CENPI: variants seen among roughly 807,000 people sequenced by gnomAD.
CENPI encodes FSH primary response 1.
A neutral mutation model predicts 60.4 loss-of-function variants in CENPI; 4 were observed. That is an observed-to-expected ratio of 0.07 (90% CI 0.03 to 0.15). CENPI has a LOEUF of 0.15. Among genes scored for constraint, CENPI ranks in the 10% least tolerant of loss-of-function variants. The pLI is 1.00. For missense variants in CENPI, 444 were observed against 534.5 expected (o/e 0.83, Z 1.67); for synonymous variants, 157 against 189.4 (o/e 0.83, Z 1.40).
intron 15 of CENPI, 25 bp from the exon 16 acceptor site, chrX:101,140,641 T>C (rs2089907117): frequency 9.6e-7 from 1 of 1,046,240 alleles, no homozygotes; most frequent in African/African-American, 1.9e-5. Flanking sequence ...TTTCATGAAA[T>C]CTTTTTTCAT....
At chrX:101,140,853 A>G in intron 16 of CENPI, 93 bp downstream of exon 16, 1 of 583,057 alleles carries the variant, frequency 1.7e-6, no homozygotes, top group Non-Finnish European at 2.8e-6. Context: ...TTTTTCATGT[A>G]AATGCTTAGT....
chrX:101,178,398 C>CTTTTTTTTTTTTTTT, the CENPI span, among the ~76,000 whole-genome samples: 71 of 39,981 alleles, frequency 1.8e-3, 7 homozygotes, highest in Non-Finnish European at 2.0e-3. Context: ...TTTTCTTCTT[C>CTTTTTTTTTTTTTTT]TTTTTTTTTT....
chrX:101,164,460 T>C lies in CENPI; in HGVS notation c.*1493T>C, dbSNP rs917842706. Among the ~76,000 whole-genome samples, 2 of 111,420 alleles carry C rather than the reference T, an allele frequency of 1.8e-5. No homozygotes were observed. Among genetic ancestry groups the C allele is most frequent in the African/African-American group, 6.5e-5 (2 of 30,641 alleles). ...AATTCTCCTGCCTCAGCCTCACGAA[T>C]AGCTGGGATTACAGGCACCTACCAC... On this transcript the variant is annotated 3_prime_UTR_variant, in exon 22 of 22. Transcript: ENST00000682095.
intron 15 of CENPI, among the ~76,000 whole-genome samples, chrX:101,138,342 A>AT (rs1244802720): frequency 0.022 from 2,132 of 96,601 alleles, 50 homozygotes; most frequent in African/African-American, 0.075. Flanking sequence ...GGAATTAAAG[A>AT]TTTTTTTTTT....
At chrX:101,124,946 T>C (rs940232666) in intron 8 of CENPI, among the ~76,000 whole-genome samples, 2 of 111,659 alleles carry the variant, frequency 1.8e-5, no homozygotes, top group Non-Finnish European at 3.8e-5. Context: ...TAAACCTGGC[T>C]ACTGGCACTC....
intron 6 of CENPI, among the ~76,000 whole-genome samples, chrX:101,118,875 T>G (rs2089648672): frequency 1.8e-5 from 2 of 111,847 alleles, no homozygotes; most frequent in African/African-American, 6.5e-5. Context: ...ATAACATGTA[T>G]TCTTTCTTTT....
At chrX:101,151,887 C>A (rs1391327861) in intron 20 of CENPI, among the ~76,000 whole-genome samples, 1 of 107,779 alleles carries the variant, frequency 9.3e-6, no homozygotes, top group African/African-American at 3.4e-5. Flanking sequence ...ATATACAGTT[C>A]AAAGGCTTTT....
chrX:101,098,873 C>G, intron 2 of CENPI: 1 of 111,048 alleles, frequency 9.0e-6, no homozygotes, highest in East Asian at 2.8e-4. Context: ...TAACCTTTCC[C>G]CCTTCCCCTA....
At chrX:101,115,613 C>T (rs1170040258) in intron 6 of CENPI, among the ~76,000 whole-genome samples, 1 of 111,169 alleles carries the variant, frequency 9.0e-6, no homozygotes, top group Non-Finnish European at 1.9e-5. Context: ...ATCCTCTTGC[C>T]TCGGCCTCCC....
chrX:101,102,040 G>A (rs1602753927), intron 3 of CENPI, among the ~76,000 whole-genome samples: 1 of 111,582 alleles, frequency 9.0e-6, no homozygotes, highest in Admixed American at 9.6e-5. Context: ...TGCCCAGCTA[G>A]TTTTTAATTT....
At chrX:101,109,433 A>ACAC (rs2089528279) in intron 4 of CENPI, 40 bp from the exon 5 acceptor site, 1 of 986,147 alleles carries the variant, frequency 1.0e-6, no homozygotes, top group Non-Finnish European at 1.4e-6. Flanking sequence ...AACAATCGAG[A>ACAC]CACTAAAATG....
intron 2 of CENPI, chrX:101,100,774 A>G (rs764219880): frequency 7.2e-6 from 2 of 278,817 alleles, no homozygotes; most frequent in African/African-American, 5.4e-5. Context: ...TCTAAGAGAG[A>G]ACTTGCATAT....
intron 15 of CENPI, among the ~76,000 whole-genome samples, 168 bp from the exon 16 acceptor site, chrX:101,140,498 G>T (rs1174154606): frequency 8.9e-6 from 1 of 112,175 alleles, no homozygotes; most frequent in African/African-American, 3.2e-5. Flanking sequence ...CTTGTACTTG[G>T]CATTCGTCTG....
intron 20 of CENPI, among the ~76,000 whole-genome samples, chrX:101,153,106 G>GT (rs199868371): frequency 0.011 from 1,176 of 109,044 alleles, 11 homozygotes; most frequent in Non-Finnish European, 0.016. Flanking sequence ...CTTTTTATCT[G>GT]TTTTTTTGGT....
intron 3 of CENPI, among the ~76,000 whole-genome samples, chrX:101,101,528 C>T (rs947154178): frequency 9.1e-6 from 1 of 109,419 alleles, no homozygotes; most frequent in Non-Finnish European, 1.9e-5. Flanking sequence ...ACTTGAGAAC[C>T]TTTTTTTCTT....
intron 21 of CENPI, 67 bp downstream of exon 21, chrX:101,161,636 A>C: frequency 3.9e-6 from 4 of 1,027,577 alleles, no homozygotes; most frequent in Non-Finnish European, 5.4e-6. Flanking sequence ...GAGAATTTAT[A>C]CTTTTCCTTT....
intron 20 of CENPI, among the ~76,000 whole-genome samples, chrX:101,157,488 A>C (rs1423884213): frequency 1.8e-5 from 2 of 109,567 alleles, no homozygotes; most frequent in Non-Finnish European, 3.8e-5. Flanking sequence ...TCTTTACATA[A>C]AATTTTAAAA....
At chrX:101,119,730 T>A (rs757437057) in intron 6 of CENPI, among the ~76,000 whole-genome samples, 13 of 112,393 alleles carry the variant, frequency 1.2e-4, no homozygotes, top group African/African-American at 4.2e-4. Context: ...AAGACTAAGC[T>A]GTTAACTAAA....
chrX:101,151,750 C>CT (rs1355654199), intron 20 of CENPI, among the ~76,000 whole-genome samples: 3 of 105,949 alleles, frequency 2.8e-5, no homozygotes, highest in Non-Finnish European at 5.8e-5. Flanking sequence ...ATGAGAATCG[C>CT]TTGAACCCAG....
Sources: allele counts gnomAD v4.1 joint callset (sites outside exome capture counted in the v4.1 genomes callset), GRCh38; gene constraint gnomAD v4.1.1; transcripts MANE v1.5; gene names NCBI Gene and HGNC (gene_info 2026-07-23, HGNC 2026-07-21).